CAB39L: variants seen among roughly 807,000 people sequenced by gnomAD.
The protein encoded by CAB39L is calcium binding protein 39 like, also known as calcium-binding protein 39-like.
A neutral mutation model predicts 39.1 loss-of-function variants in CAB39L; 23 were observed. That is an observed-to-expected ratio of 0.59 (90% CI 0.42 to 0.83). CAB39L has a LOEUF of 0.83. CAB39L is among the 40% of genes least tolerant of loss of function. The probability of loss-of-function intolerance (pLI) is 0.00; values close to 1 mark genes in which losing one functional copy is unlikely to be tolerated. For missense variants in CAB39L, 366 were observed against 391.9 expected, an observed-to-expected ratio of 0.93 and a Z score of 0.56; for synonymous variants, 126 against 137.2, an observed-to-expected ratio of 0.92 and a Z score of 0.57.
intron 1 of CAB39L, among the ~76,000 whole-genome samples, chr13:49,439,309 T>C: frequency 6.6e-6 from 1 of 152,256 alleles, no homozygotes; most frequent in Non-Finnish European, 1.5e-5. Context: ...TTTCAAGTTC[T>C]CTTTTAGATT....
At chr13:49,396,420 A>T (rs1388336279) in intron 3 of CAB39L, among the ~76,000 whole-genome samples, 1 of 152,068 alleles carries the variant, frequency 6.6e-6, no homozygotes, top group Non-Finnish European at 1.5e-5. Flanking sequence ...ATAAAAAAAA[A>T]TTTCAGGGCC....
At chr13:49,430,097 G>A (rs1957298247) in intron 3 of CAB39L, among the ~76,000 whole-genome samples, 1 of 152,104 alleles carries the variant, frequency 6.6e-6, no homozygotes, top group Non-Finnish European at 1.5e-5. Flanking sequence ...CCAAAAAGTT[G>A]ATAAACATGC....
At chr13:49,316,538 T>C (rs1954164279) in intron 10 of CAB39L, among the ~76,000 whole-genome samples, 1 of 152,176 alleles carries the variant, frequency 6.6e-6, no homozygotes, top group Non-Finnish European at 1.5e-5. Flanking sequence ...TACATACCAG[T>C]ATTCTCTATG....
intron 3 of CAB39L, among the ~76,000 whole-genome samples, chr13:49,431,139 G>A (rs1957315385): frequency 6.6e-6 from 1 of 152,174 alleles, no homozygotes; most frequent in Non-Finnish European, 1.5e-5. Flanking sequence ...AATCTTTCCT[G>A]TCCCTTTGAA....
chr13:49,357,405 G>C (rs1488664574), intron 6 of CAB39L, among the ~76,000 whole-genome samples: 1 of 152,128 alleles, frequency 6.6e-6, no homozygotes, highest in Non-Finnish European at 1.5e-5. Flanking sequence ...AGCAAACAAT[G>C]AGTAAATGGT....
intron 6 of CAB39L, among the ~76,000 whole-genome samples, chr13:49,355,530 T>C (rs1733585674): frequency 6.6e-6 from 1 of 152,102 alleles, no homozygotes; most frequent in African/African-American, 2.4e-5. Context: ...TTGGTAGAAA[T>C]TTCAGGTCTT....
At chr13:49,439,921 G>GTTTTTTTTTTTTTTTTTTTTT (rs34993624) in intron 1 of CAB39L, among the ~76,000 whole-genome samples, 2 of 78,540 alleles carry the variant, frequency 2.5e-5, no homozygotes, top group Non-Finnish European at 4.7e-5. Flanking sequence ...TTTTTAATGG[G>GTTTTTTTTTTTTTTTTTTTTT]TTTTTTTTTT....
intron 5 of CAB39L, among the ~76,000 whole-genome samples, chr13:49,366,908 C>A (rs1037880808): frequency 1.3e-5 from 2 of 152,002 alleles, no homozygotes; most frequent in Non-Finnish European, 2.9e-5. Context: ...CCCAGCTACT[C>A]GGGAAGCTGA....
chr13:49,339,629 T>C (rs759594242), intron 9 of CAB39L, 48 bp downstream of exon 9: 4 of 1,472,746 alleles, frequency 2.7e-6, no homozygotes, highest in South Asian at 3.0e-5. Flanking sequence ...CATTTGCTAA[T>C]GAGATATAAA....
intron 1 of CAB39L, among the ~76,000 whole-genome samples, 186 bp from the exon 2 acceptor site, chr13:49,434,409 T>C (rs1402794973): frequency 6.6e-6 from 1 of 152,226 alleles, no homozygotes; most frequent in Admixed American, 6.5e-5. Context: ...ATATATATAG[T>C]GTCAGCAAAG....
intron 6 of CAB39L, among the ~76,000 whole-genome samples, chr13:49,353,072 T>C (rs1023919582): frequency 5.9e-5 from 9 of 152,240 alleles, no homozygotes. Flanking sequence ...TTGTCCTGTT[T>C]ATGCAGAATG....
chr13:49,336,032 G>C (rs1280157741), intron 9 of CAB39L, among the ~76,000 whole-genome samples: 2 of 151,112 alleles, frequency 1.3e-5, no homozygotes, highest in African/African-American at 2.4e-5. Flanking sequence ...CAGAAACACA[G>C]TTGTGTCAAA....
chr13:49,326,542 C>T (rs975427673), intron 10 of CAB39L, among the ~76,000 whole-genome samples: 2 of 152,198 alleles, frequency 1.3e-5, no homozygotes, highest in Admixed American at 6.5e-5. Flanking sequence ...ACATTCTTTG[C>T]ACCCTACGGA....
chr13:49,369,692 ATTC>A (rs1437433290), intron 5 of CAB39L, among the ~76,000 whole-genome samples: 1 of 151,646 alleles, frequency 6.6e-6, no homozygotes, highest in Non-Finnish European at 1.5e-5. Flanking sequence ...GGTTCAAGTG[ATTC>A]TCCTGCCTCA....
chr13:49,336,712 C>G (rs1024350330), intron 9 of CAB39L, among the ~76,000 whole-genome samples: 2 of 152,222 alleles, frequency 1.3e-5, no homozygotes, highest in African/African-American at 4.8e-5. Flanking sequence ...CAATTGCCAT[C>G]TTCCTTCCAG....
At chr13:49,378,774 G>A (rs1956177459) in intron 4 of CAB39L, among the ~76,000 whole-genome samples, 2 of 36,438 alleles carry the variant, frequency 5.5e-5, no homozygotes, top group African/African-American at 3.2e-4. Flanking sequence ...GGGGGGGTCA[G>A]CCCCCCCGCC....
intron 8 of CAB39L, among the ~76,000 whole-genome samples, chr13:49,341,307 G>T (rs1954997873): frequency 6.6e-6 from 1 of 151,436 alleles, no homozygotes; most frequent in Admixed American, 6.6e-5. Context: ...AGGCTGGAGT[G>T]CTGTGATGTG....
At chr13:49,383,272 A>G (rs1956286387) in intron 3 of CAB39L, among the ~76,000 whole-genome samples, 1 of 152,006 alleles carries the variant, frequency 6.6e-6, no homozygotes, top group Non-Finnish European at 1.5e-5. Context: ...ATAATAATAA[A>G]TATATTCTAT....
intron 8 of CAB39L, among the ~76,000 whole-genome samples, chr13:49,343,856 C>G (rs1955070585): frequency 6.6e-6 from 1 of 152,108 alleles, no homozygotes; most frequent in African/African-American, 2.4e-5. Context: ...AAATGATGTA[C>G]TTTAGTGAGG....
Sources: gnomAD v4.1 joint callset for allele counts (sites outside exome capture counted in the v4.1 genomes callset) on GRCh38, gnomAD v4.1.1 for gene constraint, MANE v1.5 for transcripts, NCBI Gene and HGNC (gene_info 2026-07-23, HGNC 2026-07-21) for gene names.